SSB: variants seen among roughly 807,000 people sequenced by gnomAD.
SSB encodes lupus La protein.
SSB carries 17 observed loss-of-function variants against 52.9 expected under a neutral mutation model. That is an observed-to-expected ratio of 0.32 (90% CI 0.22 to 0.48). SSB has a LOEUF of 0.48. SSB is among the 20% of genes least tolerant of loss of function. SSB has a pLI of 0.99. For synonymous variants in SSB, 111 were observed against 152.1 expected, an observed-to-expected ratio of 0.73 and a Z score of 1.99; for missense variants, 314 against 463.6, an observed-to-expected ratio of 0.68 and a Z score of 2.96.
intron 1 of SSB, among the ~76,000 whole-genome samples, chr2:169,800,534 C>CAAAAAAAAAAAAAAAAAAAAAAAAAA (rs59743225): frequency 8.9e-5 from 7 of 78,276 alleles, no homozygotes; most frequent in African/African-American, 3.4e-4. Flanking sequence ...GACTCCGTCT[C>CAAAAAAAAAAAAAAAAAAAAAAAAAA]AAAAAAAAAA....
At chr2:169,804,240 C>CCT (rs1553482341) in intron 2 of SSB, among the ~76,000 whole-genome samples, 1 of 95,342 alleles carries the variant, frequency 1.0e-5, no homozygotes, top group Non-Finnish European at 1.9e-5. Flanking sequence ...TTTACTTTAA[C>CCT]TTTTTTTTTT....
At chr2:169,809,118 C>T (rs1341614390) in intron 8 of SSB, 9 of 525,124 alleles carry the variant, frequency 1.7e-5, no homozygotes, top group Admixed American at 8.3e-5. Context: ...CAGTGGCCCA[C>T]GCCTGTAATC....
intron 10 of SSB, 35 bp downstream of exon 10, chr2:169,811,079 T>G: frequency 6.3e-7 from 1 of 1,598,972 alleles, no homozygotes; most frequent in Non-Finnish European, 8.5e-7. Context: ...ACAGTTTGGT[T>G]GTTGAACCCA....
At chr2:169,809,694 G>T (rs1689905038) in intron 8 of SSB, among the ~76,000 whole-genome samples, 1 of 151,712 alleles carries the variant, frequency 6.6e-6, no homozygotes, top group African/African-American at 2.4e-5. Flanking sequence ...CTCACTGCAA[G>T]CTCCACCTCC....
At chr2:169,803,317 T>C (rs1689749652) in intron 2 of SSB, among the ~76,000 whole-genome samples, 1 of 151,966 alleles carries the variant, frequency 6.6e-6, no homozygotes, top group Admixed American at 6.6e-5. Flanking sequence ...GAGTGCAGAG[T>C]GCAGTGGCGT....
rs140271863 is a variant in SSB, at chr2:169,804,443, G to T, written c.67-1031G>T. ...TTTATTTATTTTTTGGAGAGCTGGG[G>T]TCTTGCCATGTTGCCCAGGCTGGTC... On this transcript the variant is annotated intron_variant, in intron 2 of 11. Coordinates refer to ENST00000260956, the MANE Select transcript of SSB (RefSeq NM_003142.5). 3.8e-3 allele frequency among the ~76,000 whole-genome samples: 569 copies of T among 151,480 alleles called. 1 individual carries two copies. Among genetic ancestry groups the T allele is most frequent in the Non-Finnish European group, 6.0e-3 (404 of 67,866 alleles).
chr2:169,808,749 C>G, intron 7 of SSB, 111 bp from the exon 8 acceptor site: 1 of 1,089,912 alleles, frequency 9.2e-7, no homozygotes, highest in Non-Finnish European at 1.3e-6. Flanking sequence ...AACCTAAGGA[C>G]TTCTGGCTTT....
intron 8 of SSB, 71 bp from the exon 9 acceptor site, chr2:169,810,212 G>A (rs1264186963): frequency 4.1e-6 from 5 of 1,216,980 alleles, no homozygotes; most frequent in African/African-American, 1.6e-5. Flanking sequence ...ATAGCTATAA[G>A]GTGGTGTGAG....
chr2:169,802,278 CAAAAAG>C (rs974616727), intron 2 of SSB, among the ~76,000 whole-genome samples: 3 of 151,754 alleles, frequency 2.0e-5, no homozygotes, highest in Non-Finnish European at 4.4e-5. Context: ...CAATTAAACT[CAAAAAG>C]AAAAAAACCT....
chr2:169,801,147 C>A, intron 2 of SSB, 121 bp downstream of exon 2: 1 of 667,432 alleles, frequency 1.5e-6, no homozygotes, highest in Non-Finnish European at 2.4e-6. Flanking sequence ...CTTAGATGAA[C>A]ATATAATAGC....
At chr2:169,807,148 T>C in intron 6 of SSB, 77 bp downstream of exon 6, 1 of 1,220,246 alleles carries the variant, frequency 8.2e-7, no homozygotes, top group Non-Finnish European at 1.2e-6. Context: ...ATGGAAGTAG[T>C]ATCCCCTGAA....
intron 1 of SSB, chr2:169,799,515 A>C (rs1414746971): frequency 6.6e-6 from 1 of 152,010 alleles, no homozygotes; most frequent in Non-Finnish European, 1.5e-5. Context: ...AAACGGGAAA[A>C]CGTGGGTAAT....
Position 169,811,328 on chromosome 2 carries a change from GT to G in SSB, c.1138+13del, listed in dbSNP as rs757688549. 5 of 1,563,440 alleles carry G rather than the reference GT, an allele frequency of 3.2e-6. No homozygotes were observed. Among genetic ancestry groups the G allele is most frequent in the Admixed American group, 4.4e-5 (2 of 45,904 alleles). ...ATGATGAAAATGGTGCAACTGGTAA[GT>G]TTTTTTTAAGTCCTTTGGTAGTTTC... On this transcript the variant is annotated splice_donor_region_variant and intron_variant, in intron 11 of 11. Coordinates refer to ENST00000260956, the MANE Select transcript of SSB (RefSeq NM_003142.5).
intron 6 of SSB, among the ~76,000 whole-genome samples, chr2:169,807,737 C>CTTTTTT (rs55845251): frequency 0.015 from 1,145 of 73,992 alleles, 131 homozygotes; most frequent in Middle Eastern, 0.041. Flanking sequence ...GCCTATATGT[C>CTTTTTT]TTTTTTTTTT....
chr2:169,808,659 AG>A, intron 7 of SSB, 106 bp downstream of exon 7: 1 of 1,131,586 alleles, frequency 8.8e-7, no homozygotes, highest in Non-Finnish European at 1.3e-6. Context: ...TCTCTTTGCT[AG>A]TGAAACACTG....
chr2:169,808,656 G>C, intron 7 of SSB, 103 bp downstream of exon 7: 2 of 1,162,714 alleles, frequency 1.7e-6, no homozygotes, highest in Non-Finnish European at 2.5e-6. Context: ...CTTTCTCTTT[G>C]CTAGTGAAAC....
intron 1 of SSB, 48 bp from the exon 2 acceptor site, chr2:169,800,904 G>T: frequency 1.5e-6 from 2 of 1,367,474 alleles, no homozygotes; most frequent in Admixed American, 2.3e-5. Context: ...TTCTATTCTT[G>T]AGTTTTATAT....
intron 6 of SSB, among the ~76,000 whole-genome samples, chr2:169,807,565 A>G (rs1444404773): frequency 6.6e-6 from 1 of 152,218 alleles, no homozygotes; most frequent in Admixed American, 6.5e-5. Flanking sequence ...TTGGGACTAC[A>G]GGCGTGAGCC....
At chr2:169,805,339 T>C in intron 2 of SSB, 135 bp from the exon 3 acceptor site, 1 of 617,776 alleles carries the variant, frequency 1.6e-6, no homozygotes. Context: ...TAAACATTAT[T>C]GTATATTTGG....
Sources: gnomAD v4.1 joint callset for allele counts (sites outside exome capture counted in the v4.1 genomes callset) on GRCh38, gnomAD v4.1.1 for gene constraint, MANE v1.5 for transcripts, NCBI Gene and HGNC (gene_info 2026-07-23, HGNC 2026-07-21) for gene names.